The following BRF1 variants were observed in gnomAD, a reference collection of about 807,000 sequenced individuals.
The protein encoded by BRF1 is BRF1 general transcription factor IIIB subunit, also known as transcription factor IIIB 90 kDa subunit.
In BRF1, 59 loss-of-function variants were observed where a neutral mutation model predicts 81.7. The observed-to-expected ratio is 0.72, with a 90% CI of 0.59 to 0.90. BRF1 has a LOEUF of 0.90. Among genes scored for constraint, BRF1 ranks in the 40% least tolerant of loss-of-function variants. BRF1 has a pLI of 0.00. For missense variants in BRF1, 1,050 were observed against 936.3 expected (o/e 1.12, Z -1.58); for synonymous variants, 491 against 395.6 (o/e 1.24, Z -2.86).
At chr14:105,247,546 G>A (rs1171082794) in intron 5 of BRF1, 1 of 985,242 alleles carries the variant, frequency 1.0e-6, no homozygotes, top group East Asian at 1.1e-4. Flanking sequence ...ATCTTCTGAA[G>A]AGGACTCTCC....
intron 15 of BRF1, among the ~76,000 whole-genome samples, chr14:105,213,756 C>T (rs1477182751): frequency 6.6e-6 from 1 of 152,192 alleles, no homozygotes; most frequent in Non-Finnish European, 1.5e-5. Context: ...CAGGCCTCAC[C>T]CTGGGGGGCC....
At chr14:105,221,600 AGATCTCCC>A in intron 11 of BRF1, 40 bp downstream of exon 11, 1 of 1,577,976 alleles carries the variant, frequency 6.3e-7, no homozygotes. Context: ...CACGCCTGAA[AGATCTCCC>A]GATGACCTCA....
chr14:105,241,195 C>G, intron 6 of BRF1, 70 bp downstream of exon 6: 1 of 1,583,584 alleles, frequency 6.3e-7, no homozygotes, highest in African/African-American at 1.3e-5. Context: ...CCCACCAGCA[C>G]TCAGGAGTCA....
At position 105,209,482 on chromosome 14, in the gene BRF1, G is replaced by A. The variant is rs756285929; in HGVS notation, c.*1069C>T. 3 of 700,880 alleles carry A rather than the reference G, an allele frequency of 4.3e-6. No individual in the cohort carries two copies. The highest frequency in any genetic ancestry group is 7.8e-6 in the Non-Finnish European group (3 of 384,280). The allele number at this position is 700,880 out of a possible 1,614,324, so 43.4% of individuals were successfully genotyped here. On this transcript the variant is annotated 3_prime_UTR_variant, in exon 18 of 18. Transcript: ENST00000547530. ...GGATGAGGCCCCTGGGGGTCAGTGA[G>A]GCACGGCTCTGCCTCAAGGCCACCC... is the stretch of plus-strand genomic sequence containing the variant.
chr14:105,264,141 C>G (rs960323127), intron 3 of BRF1, among the ~76,000 whole-genome samples: 3 of 152,124 alleles, frequency 2.0e-5, no homozygotes, highest in African/African-American at 7.2e-5. Flanking sequence ...TTTCACCTAA[C>G]TATGAAGAAA....
rs2054614792 is a variant in BRF1, at chr14:105,241,293, G to T, written c.666C>A (p.Gly222=). The change falls in exon 6 of 18, where the codon GGC becomes GGA. Residue 222 remains glycine (G), a synonymous_variant. Coordinates refer to ENST00000547530, the MANE Select transcript of BRF1 (RefSeq NM_001519.4). ...QRMKRDWMHT[G]RRPSGLCGAA... ...CTCCGCAGAGGCCCGAGGGGCGCCG[G>T]CCTGTGTGCATCCAGTCCCGCTTCA... 3.1e-6 allele frequency: 5 copies of T among 1,612,268 alleles called. No individual in the cohort carries two copies. In the African/African-American group the frequency reaches 4.0e-5, roughly 13 times the overall value.
At chr14:105,302,311 C>A (rs2058063469), upstream of BRF1, among the ~76,000 whole-genome samples, 1 of 147,640 alleles carries the variant, frequency 6.8e-6, no homozygotes, top group East Asian at 2.1e-4. Context: ...TTAAGCGATT[C>A]TCCTCTCTCA....
intron 10 of BRF1, among the ~76,000 whole-genome samples, chr14:105,224,166 C>G (rs60516709): frequency 2.0e-5 from 3 of 152,164 alleles, no homozygotes; most frequent in Admixed American, 1.3e-4. Flanking sequence ...GTCAGGAGTT[C>G]GAGATCAGCC....
chr14:105,224,990 G>A (rs956629219), intron 10 of BRF1, among the ~76,000 whole-genome samples: 3 of 152,248 alleles, frequency 2.0e-5, no homozygotes, highest in African/African-American at 4.8e-5. Context: ...GTCAGTGGAC[G>A]ATGACCTCTG....
chr14:105,275,690 A>T (rs2056852934), intron 2 of BRF1, among the ~76,000 whole-genome samples: 1 of 152,250 alleles, frequency 6.6e-6, no homozygotes, highest in African/African-American at 2.4e-5. Flanking sequence ...CCCCACAGGC[A>T]CCAGCTCGTG....
chr14:105,264,067 A>G (rs2056288077), intron 3 of BRF1, among the ~76,000 whole-genome samples: 1 of 152,254 alleles, frequency 6.6e-6, no homozygotes, highest in Non-Finnish European at 1.5e-5. Context: ...AACAAAAACA[A>G]AAAGAAAATC....
rs1461972079 is a variant in BRF1, at chr14:105,271,516, C to G, written c.439+1205G>C. 1.3e-5 allele frequency among the ~76,000 whole-genome samples: 2 copies of G among 152,208 alleles called. No homozygotes were observed. Among genetic ancestry groups the G allele is most frequent in the Admixed American group, 1.3e-4 (2 of 15,264 alleles). On this transcript the variant is annotated intron_variant, in intron 3 of 17. Transcript: ENST00000547530. The surrounding 1 kb of genome is among the most constrained non-coding windows in gnomAD (Gnocchi z 5.5). ...GGGGACCACCTTCAGAGGGGCGCAGCTCGGAAAAGGTCCCTCTCCCAGGGA... is the reference window on the plus strand; with the variant it reads ...GGGGACCACCTTCAGAGGGGCGCAGGTCGGAAAAGGTCCCTCTCCCAGGGA...
At chr14:105,298,635 A>C (rs1439726722) in intron 1 of BRF1, among the ~76,000 whole-genome samples, 1 of 152,124 alleles carries the variant, frequency 6.6e-6, no homozygotes, top group Non-Finnish European at 1.5e-5. Context: ...CAGGCGGATC[A>C]CTTGAGGTCA....
At chr14:105,297,651 C>G (rs995156455) in intron 1 of BRF1, among the ~76,000 whole-genome samples, 2 of 152,108 alleles carry the variant, frequency 1.3e-5, no homozygotes, top group African/African-American at 2.4e-5. Flanking sequence ...AAAACCCCAC[C>G]AGGACTTTTG....
intron 1 of BRF1, among the ~76,000 whole-genome samples, chr14:105,308,851 G>A (rs1389095222): frequency 6.6e-6 from 1 of 151,850 alleles, no homozygotes; most frequent in Admixed American, 6.6e-5. Flanking sequence ...GTTCACACTT[G>A]TAATCCCAGC....
At chr14:105,211,646 C>T (rs11620834) in intron 16 of BRF1, 1 of 361,498 alleles carries the variant, frequency 2.8e-6, no homozygotes, top group Non-Finnish European at 5.1e-6. Flanking sequence ...CTGCCCTGAC[C>T]CCCAGAACAC....
chr14:105,217,864 C>A, intron 14 of BRF1, 64 bp from the exon 15 acceptor site: 1 of 1,580,394 alleles, frequency 6.3e-7, no homozygotes, highest in Non-Finnish European at 8.6e-7. Flanking sequence ...CCATCAGGGG[C>A]TCCACGTGAG....
intron 16 of BRF1, 93 bp from the exon 17 acceptor site, chr14:105,211,386 T>C: frequency 5.7e-6 from 7 of 1,219,604 alleles, no homozygotes; most frequent in Non-Finnish European, 7.7e-6. Flanking sequence ...CCCAGGATGC[T>C]CAGCCACTCC....
intron 5 of BRF1, chr14:105,247,226 G>A (rs1051173544): frequency 1.4e-5 from 14 of 985,252 alleles, no homozygotes; most frequent in African/African-American, 1.7e-5. Flanking sequence ...GGAACTTTCC[G>A]GACTCTCATG....
Sources: gnomAD v4.1 joint callset for allele counts (sites outside exome capture counted in the v4.1 genomes callset) on GRCh38, gnomAD v4.1.1 for gene constraint, Gnocchi (gnomAD v3.1) non-coding constraint, MANE v1.5 for transcripts, NCBI Gene and HGNC (gene_info 2026-07-23, HGNC 2026-07-21) for gene names.